Variants in RAPGEF1 observed in about 807,000 individuals in gnomAD.
RAPGEF1 encodes the protein CRK SH3-binding GNRP.
A neutral mutation model predicts 143.3 loss-of-function variants in RAPGEF1; 33 were observed. The ratio of observed to expected loss-of-function variants is 0.23; its 90% CI spans 0.17 to 0.31. The LOEUF (loss-of-function observed/expected upper bound fraction) is 0.31. Ranked by LOEUF, RAPGEF1 falls within the 10% of genes least tolerant of loss-of-function variation. The pLI, the probability that RAPGEF1 is intolerant of heterozygous loss-of-function variation, is 1.00. For synonymous variants in RAPGEF1, 629 were observed against 676.5 expected, an observed-to-expected ratio of 0.93 and a Z score of 1.09; for missense variants, 1,199 against 1,645.4, an observed-to-expected ratio of 0.73 and a Z score of 4.69.
chr9:131,616,645 C>T (rs754116671), intron 12 of RAPGEF1, among the ~76,000 whole-genome samples: 21 of 152,204 alleles, frequency 1.4e-4, no homozygotes, highest in Non-Finnish European at 2.4e-4. Flanking sequence ...CCAAGAACCA[C>T]GTGAGGTGTC....
intron 17 of RAPGEF1, among the ~76,000 whole-genome samples, chr9:131,593,641 G>C (rs897783226): frequency 7.2e-5 from 11 of 152,134 alleles, no homozygotes; most frequent in Non-Finnish European, 1.5e-4. Flanking sequence ...ATCCCCTCTT[G>C]CATCAAACGA....
At chr9:131,648,216 C>A (rs1970173176) in intron 3 of RAPGEF1, among the ~76,000 whole-genome samples, 1 of 152,050 alleles carries the variant, frequency 6.6e-6, no homozygotes, top group East Asian at 1.9e-4. Flanking sequence ...ATGGCAAAAC[C>A]CCATCTCTAC....
At chr9:131,707,770 G>C (rs1006710218) in intron 1 of RAPGEF1, among the ~76,000 whole-genome samples, 1 of 152,096 alleles carries the variant, frequency 6.6e-6, no homozygotes, top group African/African-American at 2.4e-5. Flanking sequence ...GTGTATACAG[G>C]GAAAATCACA....
intron 12 of RAPGEF1, among the ~76,000 whole-genome samples, chr9:131,613,790 C>T (rs926872423): frequency 9.9e-5 from 15 of 152,276 alleles, no homozygotes; most frequent in South Asian, 6.2e-4. Context: ...GATTCTGCCT[C>T]AAAGGGTATG....
intron 1 of RAPGEF1, among the ~76,000 whole-genome samples, chr9:131,680,691 G>C (rs1832833513): frequency 6.6e-6 from 1 of 152,184 alleles, no homozygotes; most frequent in African/African-American, 2.4e-5. Flanking sequence ...AGCTAATTTA[G>C]TATCTATAGA....
chr9:131,712,232 C>T (rs537016613), intron 1 of RAPGEF1, among the ~76,000 whole-genome samples: 19 of 152,290 alleles, frequency 1.2e-4, no homozygotes, highest in South Asian at 6.2e-4. Flanking sequence ...ACCCCCACCA[C>T]GCGAGAGGGG....
chr9:131,598,566 T>C (rs1176858927), intron 15 of RAPGEF1: 1 of 605,246 alleles, frequency 1.7e-6, no homozygotes, highest in East Asian at 3.7e-5. Flanking sequence ...AAAGGTTCCA[T>C]TAAGCTGTTT....
intron 1 of RAPGEF1, among the ~76,000 whole-genome samples, chr9:131,674,924 G>C (rs752089): frequency 0.074 from 11,256 of 152,172 alleles, 582 homozygotes; most frequent in Middle Eastern, 0.24. Flanking sequence ...TCTGGAGAGA[G>C]GGGTGGGGGT....
At position 131,584,045 on chromosome 9, in the gene RAPGEF1, G is replaced by A. The variant is rs1952302636; in HGVS notation, c.3414+266C>T. Reference sequence around the variant, plus strand: ...GCGGGCGGGGGAGGCGGGAACCCAGGGATGGGCCTGCTGGGTGGCAGCAGA... The same window carrying A: ...GCGGGCGGGGGAGGCGGGAACCCAGAGATGGGCCTGCTGGGTGGCAGCAGA... On this transcript the variant is annotated intron_variant, in intron 24 of 26. Coordinates refer to ENST00000683357, the MANE Select transcript of RAPGEF1 (RefSeq NM_001377935.1). The surrounding 1 kb of genome is among the most constrained non-coding windows in gnomAD (Gnocchi z 6.8). Among the ~76,000 whole-genome samples the A allele has an allele frequency of 6.6e-6, 1 of 152,080 alleles. No homozygotes were observed. The highest frequency in any genetic ancestry group is 2.4e-5 in the African/African-American group (1 of 41,398).
intron 1 of RAPGEF1, among the ~76,000 whole-genome samples, chr9:131,693,963 C>T (rs2131041740): frequency 6.6e-6 from 1 of 152,236 alleles, no homozygotes. Context: ...CTCTCTCTCT[C>T]TCCAAACACT....
chr9:131,620,292 C>T (rs1960474063), intron 11 of RAPGEF1, among the ~76,000 whole-genome samples: 1 of 145,978 alleles, frequency 6.9e-6, no homozygotes, highest in South Asian at 2.2e-4. Context: ...TTTTTTTAGA[C>T]AGGGTCTCAC....
intron 22 of RAPGEF1, among the ~76,000 whole-genome samples, chr9:131,585,379 C>T (rs1489972985): frequency 1.3e-5 from 2 of 151,930 alleles, no homozygotes; most frequent in African/African-American, 4.8e-5. Context: ...GGGCGTCTCT[C>T]TATGTTGTCC....
chr9:131,638,707 G>A lies in RAPGEF1; in HGVS notation c.579C>T (p.Gly193=), dbSNP rs748523376. Reference sequence around the variant, plus strand: ...CCATCTCCTTGTCTTCTGAGTTCACGCCTTCCAGCATCACTTGGTCAGACC... The same window carrying A: ...CCATCTCCTTGTCTTCTGAGTTCACACCTTCCAGCATCACTTGGTCAGACC... ...IRWSDQVMLE[G]VNSEDKEMVT... is the part of the protein sequence containing the mutation. Residue 193 remains glycine, a synonymous_variant, in exon 5 of 27, where the codon GGC becomes GGT. Transcript: ENST00000683357. 6 of 1,613,874 alleles carry A rather than the reference G, an allele frequency of 3.7e-6. No homozygotes were observed. Among genetic ancestry groups the A allele is most frequent in the Middle Eastern group, 1.6e-4 (1 of 6,082 alleles).
chr9:131,625,218 A>C (rs1325840099), intron 10 of RAPGEF1, among the ~76,000 whole-genome samples: 1 of 152,210 alleles, frequency 6.6e-6, no homozygotes, highest in Non-Finnish European at 1.5e-5. Context: ...CTAGTGAAGC[A>C]GGGAGAGGGC....
At chr9:131,672,915 C>G (rs1006998160) in intron 1 of RAPGEF1, among the ~76,000 whole-genome samples, 1 of 152,148 alleles carries the variant, frequency 6.6e-6, no homozygotes, top group African/African-American at 2.4e-5. Flanking sequence ...AGGCTCAGAG[C>G]ACCAGTCAGC....
chr9:131,608,232 C>A (rs974467674), intron 12 of RAPGEF1, among the ~76,000 whole-genome samples: 1 of 152,228 alleles, frequency 6.6e-6, no homozygotes, highest in Non-Finnish European at 1.5e-5. Flanking sequence ...GTGCGGACGA[C>A]CTCTCGGCCA....
At chr9:131,698,189 C>T (rs1315183598) in intron 1 of RAPGEF1, among the ~76,000 whole-genome samples, 2 of 152,178 alleles carry the variant, frequency 1.3e-5, no homozygotes, top group African/African-American at 4.8e-5. Flanking sequence ...TCCCTCAGTC[C>T]ACCCTGATTA....
At position 131,630,322 on chromosome 9, in the gene RAPGEF1, C is replaced by A. The variant is rs768203706; in HGVS notation, c.654G>T (p.Glu218Asp). Residue 218 changes from glutamate to aspartate, a missense_variant and splice_region_variant, in exon 6 of 27, where the codon GAG becomes GAT. Around this residue, in one of 6 missense-constraint regions of RAPGEF1, gnomAD observed 613 missense variants for 710.9 expected, o/e 0.86. Coordinates refer to ENST00000683357, the MANE Select transcript of RAPGEF1 (RefSeq NM_001377935.1). ...VIKAVLDGVK[E>D]LVRLTIEKQG... ...GCTTCTCGATGGTGAGCCTGACCAG[C>A]TCCTACCCCCACAAGAAAAAGGCAA... 1.2e-6 allele frequency: 2 copies of A among 1,613,376 alleles called. No homozygotes were observed. Among genetic ancestry groups the A allele is most frequent in the Non-Finnish European group, 1.7e-6 (2 of 1,179,438 alleles).
intron 3 of RAPGEF1, among the ~76,000 whole-genome samples, chr9:131,649,588 G>T (rs1970571161): frequency 6.6e-6 from 1 of 152,054 alleles, no homozygotes; most frequent in Admixed American, 6.5e-5. Context: ...ACACATCAGG[G>T]TTGCTATGAA....
Sources: allele counts gnomAD v4.1 joint callset (sites outside exome capture counted in the v4.1 genomes callset), GRCh38; gene constraint gnomAD v4.1.1; regional missense constraint gnomAD v4.1.1; non-coding constraint Gnocchi (gnomAD v3.1); transcripts MANE v1.5; gene names NCBI Gene and HGNC (gene_info 2026-07-23, HGNC 2026-07-21).